Variants in SEC24D observed in about 807,000 individuals in gnomAD.
SEC24D encodes the protein SEC24 homolog D, COPII component.
Under a neutral mutation model 116.9 loss-of-function variants are expected in SEC24D, and 69 were observed. The ratio of observed to expected loss-of-function variants is 0.59; its 90% CI spans 0.49 to 0.72. SEC24D has a LOEUF of 0.72. Among genes scored for constraint, SEC24D ranks in the 30% least tolerant of loss-of-function variants. SEC24D has a pLI of 0.00. For missense variants in SEC24D, 1,131 were observed against 1,264.1 expected, an observed-to-expected ratio of 0.89 and a Z score of 1.60; for synonymous variants, 405 against 442.8, an observed-to-expected ratio of 0.91 and a Z score of 1.07.
At chr4:118,791,915 G>A (rs1728928675) in intron 8 of SEC24D, among the ~76,000 whole-genome samples, 2 of 152,186 alleles carry the variant, frequency 1.3e-5, no homozygotes, top group African/African-American at 4.8e-5. Context: ...CTCCCAAAGT[G>A]CTGAGTTTGC....
intron 11 of SEC24D, among the ~76,000 whole-genome samples, chr4:118,755,912 T>C (rs1212639707): frequency 1.3e-5 from 2 of 152,138 alleles, no homozygotes; most frequent in African/African-American, 4.8e-5. Flanking sequence ...CCTTTTATTT[T>C]TTCCTCCTAT....
Position 118,799,043 on chromosome 4 carries a change from G to A in SEC24D, c.914-1233C>T, listed in dbSNP as rs114504284. ...AGAGGAGTGTCATGCTGTAATGTAG[G>A]TTCCTCTGCCTGCATTTTCAGAATG... On this transcript the variant is annotated intron_variant, in intron 7 of 22. Transcript: ENST00000280551. Among the ~76,000 whole-genome samples the A allele has an allele frequency of 4.6e-3, 702 of 152,346 alleles. 3 individuals carry two copies. Among genetic ancestry groups the A allele is most frequent in the Non-Finnish European group, 6.8e-3 (465 of 68,032 alleles).
At chr4:118,828,185 T>G (rs1730665964) in intron 2 of SEC24D, among the ~76,000 whole-genome samples, 1 of 151,934 alleles carries the variant, frequency 6.6e-6, no homozygotes, top group Admixed American at 6.5e-5. Context: ...CTCAGCTCAC[T>G]GCAAGCTCCG....
At position 118,723,505 on chromosome 4, in the gene SEC24D, G is replaced by T. The variant is rs1425372432; in HGVS notation, c.*10C>A. The T allele has an allele frequency of 6.2e-7, 1 of 1,605,588 alleles. No homozygotes were observed. The highest frequency in any genetic ancestry group is 1.7e-5 in the Admixed American group (1 of 58,656). On this transcript the variant is annotated 3_prime_UTR_variant, in exon 23 of 23. Coordinates refer to ENST00000280551, the MANE Select transcript of SEC24D (RefSeq NM_014822.4). ...TTGGAAATGCAACATCAATGACAGA[G>T]AAGTTTCAATTAATTAAGCAGCTGA...
intron 22 of SEC24D, among the ~76,000 whole-genome samples, chr4:118,727,587 C>T (rs1039817963): frequency 1.3e-5 from 2 of 151,844 alleles, no homozygotes; most frequent in South Asian, 4.2e-4. Context: ...TTTCAGTTTG[C>T]ATTTCCTGAG....
chr4:118,798,315 A>T (rs1179251416), intron 7 of SEC24D, among the ~76,000 whole-genome samples: 1 of 152,188 alleles, frequency 6.6e-6, no homozygotes, highest in Non-Finnish European at 1.5e-5. Context: ...TAAATTTGGA[A>T]ATTGAATTTC....
intron 21 of SEC24D, chr4:118,730,219 T>C (rs1225644312): frequency 6.6e-6 from 1 of 152,256 alleles, no homozygotes; most frequent in African/African-American, 2.4e-5. Flanking sequence ...AGACTCATAG[T>C]TCTTTGCCTA....
At chr4:118,753,639 C>T (rs1726943471) in intron 11 of SEC24D, among the ~76,000 whole-genome samples, 1 of 151,840 alleles carries the variant, frequency 6.6e-6, no homozygotes, top group African/African-American at 2.4e-5. Context: ...TGTTCTCGTT[C>T]CAGTCTATAG....
Position 118,731,213 on chromosome 4 carries a change from C to T in SEC24D, c.2868+103G>A, listed in dbSNP as rs1450585998. The T allele has an allele frequency of 4.5e-6, 4 of 879,972 alleles. No homozygotes were observed. In the East Asian group the frequency reaches 1.1e-4, roughly 23 times the overall value. The allele number at this position is 879,972 out of a possible 1,614,324, so 54.5% of individuals were successfully genotyped here. On this transcript the variant is annotated intron_variant, in intron 21 of 22. Coordinates refer to ENST00000280551, the MANE Select transcript of SEC24D (RefSeq NM_014822.4). ...TTTCTTTCATATACAGAAATATATG[C>T]CTTATTATTTTTCTTTCTGTAATAT...
intron 19 of SEC24D, among the ~76,000 whole-genome samples, chr4:118,734,173 T>C (rs998396606): frequency 6.7e-6 from 1 of 149,892 alleles, no homozygotes; most frequent in Non-Finnish European, 1.5e-5. Context: ...AAATGAAATA[T>C]CTGATCTATA....
rs536281874 is a variant in SEC24D, at chr4:118,741,322, T to C, written c.1996-285A>G. 2.4e-4 allele frequency among the ~76,000 whole-genome samples: 37 copies of C among 152,316 alleles called. 1 individual carries two copies. The highest frequency in any genetic ancestry group is 2.2e-3 in the Admixed American group (33 of 15,300). ...GGGAAAATTAAGAGAGCATAAGTGA[T>C]CCACTCAGTGGCTTAGGGTTAGAGA... On this transcript the variant is annotated intron_variant, in intron 15 of 22. Coordinates refer to ENST00000280551, the MANE Select transcript of SEC24D (RefSeq NM_014822.4).
chr4:118,814,841 T>C (rs996248329), intron 6 of SEC24D, among the ~76,000 whole-genome samples, 187 bp downstream of exon 6: 8 of 152,168 alleles, frequency 5.3e-5, no homozygotes, highest in Middle Eastern at 3.2e-3. Context: ...AGACCTTTAG[T>C]ATGCCCATAA....
In SEC24D at chr4:118,739,019, C is replaced by G. The variant is rs1578384229; in HGVS notation, c.2377+130G>C. On this transcript the variant is annotated intron_variant, in intron 18 of 22. Transcript: ENST00000280551. ...AGGAATGCTGACTATTCTCTCTCAG[C>G]CTTTGCTTTTATTAGTTCTGAATTT... The G allele has an allele frequency of 3.0e-5, 24 of 809,166 alleles. 1 individual carries two copies. In the East Asian group the frequency reaches 6.1e-4, roughly 21 times the overall value. The allele number at this position is 809,166 out of a possible 1,614,324, so 50.1% of individuals were successfully genotyped here. A position where few individuals can be genotyped will look rare whatever the true frequency, so the allele number is the denominator to read the frequency against.
At chr4:118,831,974 G>T (rs534563415) in intron 2 of SEC24D, among the ~76,000 whole-genome samples, 1 of 152,126 alleles carries the variant, frequency 6.6e-6, no homozygotes, top group Non-Finnish European at 1.5e-5. Context: ...AGGTGGAGGC[G>T]GGTGGATCAC....
In SEC24D at chr4:118,738,388, C is replaced by T. The variant is rs751398796; in HGVS notation, c.2378-9G>A. 4 of 1,561,386 alleles carry T rather than the reference C, an allele frequency of 2.6e-6. No homozygotes were observed. Among genetic ancestry groups the T allele is most frequent in the Non-Finnish European group, 3.5e-6 (4 of 1,132,374 alleles). ...GAGAACTGCTTTAAAAGCTACATCA[C>T]AAAACAATGAAAAGGACATGAGTTT... On this transcript the variant is annotated splice_polypyrimidine_tract_variant and intron_variant, in intron 18 of 22. Transcript: ENST00000280551.
Position 118,741,818 on chromosome 4 carries a change from G to A in SEC24D, c.1996-781C>T, listed in dbSNP as rs1726237636. 2.6e-5 allele frequency among the ~76,000 whole-genome samples: 4 copies of A among 152,230 alleles called. No individual in the cohort carries two copies. In the South Asian group the frequency reaches 8.3e-4, roughly 32 times the overall value. On this transcript the variant is annotated intron_variant, in intron 15 of 22. Transcript: ENST00000280551. ...TTTAGTTGCTTACATACAACTGGGT[G>A]GTGCCTGCATAGTTCTTGACCATCA...
At chr4:118,831,722 G>T (rs1304741915) in intron 2 of SEC24D, among the ~76,000 whole-genome samples, 1 of 151,892 alleles carries the variant, frequency 6.6e-6, no homozygotes, top group Non-Finnish European at 1.5e-5. Flanking sequence ...GATACCCCTG[G>T]TCTAGAGCTT....
chr4:118,771,518 C>T (rs1404091583), intron 8 of SEC24D, among the ~76,000 whole-genome samples: 1 of 152,030 alleles, frequency 6.6e-6, no homozygotes, highest in African/African-American at 2.4e-5. Flanking sequence ...AAATACTGTG[C>T]TGATACTAAT....
rs779436325 is a variant in SEC24D at position 118,752,103 on chromosome 4, G to A, written c.1614-14C>T. On this transcript the variant is annotated splice_polypyrimidine_tract_variant and intron_variant, in intron 12 of 22. Transcript: ENST00000280551. ...TGGTCCAACAAACTATAAGACATGA[G>A]TAAGCAAAAGGTTTGAAATGTTTAG... 4 of 1,506,614 alleles carry A rather than the reference G, an allele frequency of 2.7e-6. No individual in the cohort carries two copies. The highest frequency in any genetic ancestry group is 1.4e-5 in the African/African-American group (1 of 72,288). The allele number at this position is 1,506,614 out of a possible 1,614,324, so 93.3% of individuals were successfully genotyped here. A position where few individuals can be genotyped will look rare whatever the true frequency, so the allele number is the denominator to read the frequency against.
Sources: allele counts gnomAD v4.1 joint callset (sites outside exome capture counted in the v4.1 genomes callset), GRCh38; gene constraint gnomAD v4.1.1; transcripts MANE v1.5; gene names NCBI Gene and HGNC (gene_info 2026-07-23, HGNC 2026-07-21).